The following TSPEAR variants were observed in gnomAD, a reference collection of about 807,000 sequenced individuals.
TSPEAR encodes thrombospondin-type laminin G domain and EAR repeat-containing protein.
TSPEAR carries 69 observed loss-of-function variants against 71.6 expected under a neutral mutation model. That is an observed-to-expected ratio of 0.96 (90% confidence interval 0.79 to 1.18). The LOEUF is 1.18. Among genes scored for constraint, TSPEAR ranks in the 50% most tolerant of loss-of-function variants. The pLI, the probability that TSPEAR is intolerant of heterozygous loss-of-function variation, is 0.00. For missense variants in TSPEAR, 971 were observed against 894.9 expected, an observed-to-expected ratio of 1.09 and a Z score of -1.09; for synonymous variants, 402 against 387.2, an observed-to-expected ratio of 1.04 and a Z score of -0.45.
intron 2 of TSPEAR, among the ~76,000 whole-genome samples, chr21:44,565,430 T>C (rs2053690219): frequency 6.6e-6 from 1 of 152,094 alleles, no homozygotes; most frequent in Non-Finnish European, 1.5e-5. Context: ...TACAGACCAA[T>C]ACCACTATCT....
intron 1 of TSPEAR, among the ~76,000 whole-genome samples, chr21:44,572,701 C>T (rs1978288256): frequency 1.3e-5 from 2 of 151,888 alleles, no homozygotes; most frequent in Admixed American, 6.6e-5. Flanking sequence ...GTGCCGAAGT[C>T]CTGACCGCTG....
At chr21:44,607,839 C>T (rs1981410600) in intron 1 of TSPEAR, among the ~76,000 whole-genome samples, 1 of 152,108 alleles carries the variant, frequency 6.6e-6, no homozygotes, top group African/African-American at 2.4e-5. Context: ...CTTCACATGC[C>T]CCACACACTC....
chr21:44,612,996 C>A lies in TSPEAR; in HGVS notation c.83-44991G>T. ...CCTACCTGGGATGGGGTCTCCATGT[C>A]TCCCCTGTGCTGAGGTGACCTCTCC... On this transcript the variant is annotated intron_variant, in intron 1 of 11. Coordinates refer to ENST00000323084, the MANE Select transcript of TSPEAR (RefSeq NM_144991.3). The surrounding 1 kb of genome is among the most constrained non-coding windows in gnomAD (Gnocchi z 4.1). 2 of 1,443,010 alleles carry A rather than the reference C, an allele frequency of 1.4e-6. No homozygotes were observed. Among genetic ancestry groups the A allele is most frequent in the Non-Finnish European group, 1.9e-6 (2 of 1,061,622 alleles). The allele number at this position is 1,443,010 out of a possible 1,614,324, so 89.4% of individuals were successfully genotyped here. A position where few individuals can be genotyped will look rare whatever the true frequency, so the allele number is the denominator to read the frequency against.
intron 1 of TSPEAR, chr21:44,579,779 G>C (rs1555924555): frequency 7.4e-6 from 12 of 1,611,970 alleles, no homozygotes; most frequent in Non-Finnish European, 9.3e-6. Flanking sequence ...GGCCAGGGGG[G>C]AGCACGCGGG....
At chr21:44,512,965 C>G (rs782166539) in intron 9 of TSPEAR, among the ~76,000 whole-genome samples, 1 of 152,194 alleles carries the variant, frequency 6.6e-6, no homozygotes, top group Non-Finnish European at 1.5e-5. Flanking sequence ...CTGTACCCAG[C>G]GAGGGTCTGT....
At chr21:44,656,919 T>C (rs1569244118) in intron 1 of TSPEAR, among the ~76,000 whole-genome samples, 1 of 152,156 alleles carries the variant, frequency 6.6e-6, no homozygotes, top group African/African-American at 2.4e-5. Context: ...TGATTCTTTT[T>C]CCATCTGACT....
intron 2 of TSPEAR, among the ~76,000 whole-genome samples, chr21:44,542,710 C>T (rs2053240129): frequency 7.4e-6 from 1 of 135,480 alleles, no homozygotes; most frequent in South Asian, 2.4e-4. Flanking sequence ...TGCACCACTG[C>T]ACTCTAACCT....
At position 44,600,805 on chromosome 21, in the gene TSPEAR, T is replaced by C. The variant is rs7410162; in HGVS notation, c.83-32800A>G. On this transcript the variant is annotated intron_variant, in intron 1 of 11. Coordinates refer to ENST00000323084, the MANE Select transcript of TSPEAR (RefSeq NM_144991.3). ...GAGCCTGGTCTGCACCCCAGTGAGC[T>C]ATGTGTCCAGCCCCTGCTGCCGAGT... 4.5e-3 allele frequency: 7,084 copies of C among 1,580,360 alleles called. 1,274 individuals carry two copies. In the African/African-American group the frequency reaches 0.07, roughly 16 times the overall value.
At chr21:44,526,552 A>G (rs2052860355) in intron 7 of TSPEAR, among the ~76,000 whole-genome samples, 1 of 151,690 alleles carries the variant, frequency 6.6e-6, no homozygotes, top group African/African-American at 2.4e-5. Context: ...TGCAGCCTGC[A>G]TGAGGGTGGC....
Position 44,506,335 on chromosome 21 carries a change from G to A in TSPEAR, c.1755-1454C>T, listed in dbSNP as rs767812886. 1.7e-3 allele frequency among the ~76,000 whole-genome samples: 260 copies of A among 152,260 alleles called. No individual in the cohort carries two copies. Among genetic ancestry groups the A allele is most frequent in the Non-Finnish European group, 2.8e-3 (191 of 68,046 alleles). Reference sequence around the variant, plus strand: ...TCAAGATGAGGAAATGGAGGTCGAAGCCATGCACACGCAGGCGTCCTGCTG... The same window carrying A: ...TCAAGATGAGGAAATGGAGGTCGAAACCATGCACACGCAGGCGTCCTGCTG... On this transcript the variant is annotated intron_variant, in intron 10 of 11. Coordinates refer to ENST00000323084, the MANE Select transcript of TSPEAR (RefSeq NM_144991.3). This position sits in a 1 kb window ranked among gnomAD's most constrained non-coding sequence, Gnocchi z 4.2.
At chr21:44,513,526 T>C (rs929673263) in intron 9 of TSPEAR, among the ~76,000 whole-genome samples, 1 of 151,828 alleles carries the variant, frequency 6.6e-6, no homozygotes, top group African/African-American at 2.4e-5. Flanking sequence ...CTCCCTCCAA[T>C]GGAATTCCCC....
At chr21:44,528,693 G>T in intron 5 of TSPEAR, 110 bp from the exon 6 acceptor site, 1 of 1,370,616 alleles carries the variant, frequency 7.3e-7, no homozygotes, top group Middle Eastern at 1.9e-4. Flanking sequence ...CTCTGCATGC[G>T]GGCCTGGAAG....
At chr21:44,518,320 C>T (rs1194186954) in intron 9 of TSPEAR, 10 of 468,316 alleles carry the variant, frequency 2.1e-5, no homozygotes, top group African/African-American at 6.0e-5. Context: ...ATGGGTGACA[C>T]GCAGCTGGCC....
At chr21:44,563,211 A>G (rs898448129) in intron 2 of TSPEAR, among the ~76,000 whole-genome samples, 3 of 152,100 alleles carry the variant, frequency 2.0e-5, no homozygotes, top group Admixed American at 1.3e-4. Context: ...AACAAATGAT[A>G]TAAATATATA....
At chr21:44,560,165 G>A (rs56041290) in intron 2 of TSPEAR, among the ~76,000 whole-genome samples, 35,987 of 151,926 alleles carry the variant, frequency 0.24, 4,701 homozygotes, top group East Asian at 0.4. Context: ...GGAAAGCAAC[G>A]TAAGCAGGGG....
At chr21:44,586,473 G>T (rs587691760) in intron 1 of TSPEAR, among the ~76,000 whole-genome samples, 52 of 152,218 alleles carry the variant, frequency 3.4e-4, no homozygotes, top group African/African-American at 1.2e-3. Flanking sequence ...AATTTACCAA[G>T]AGAAAATTCA....
At chr21:44,501,879 A>C (rs2052038945) in intron 11 of TSPEAR, among the ~76,000 whole-genome samples, 1 of 152,198 alleles carries the variant, frequency 6.6e-6, no homozygotes, top group South Asian at 2.1e-4. Context: ...TATTCTTCAG[A>C]CTATCCCAGT....
intron 8 of TSPEAR, among the ~76,000 whole-genome samples, chr21:44,524,604 TAGTC>T (rs1393386103): frequency 6.6e-6 from 1 of 151,474 alleles, no homozygotes; most frequent in Admixed American, 6.6e-5. Context: ...GTTAGCCAGT[TAGTC>T]ATGTAATCAG....
chr21:44,697,826 G>A (rs1210906516), intron 1 of TSPEAR: 48 of 1,612,988 alleles, frequency 3.0e-5, no homozygotes, highest in Middle Eastern at 3.3e-4. Flanking sequence ...CGCCCGCCGC[G>A]TGCCCGTCCC....
Sources: allele counts gnomAD v4.1 joint callset (sites outside exome capture counted in the v4.1 genomes callset), GRCh38; gene constraint gnomAD v4.1.1; non-coding constraint Gnocchi (gnomAD v3.1); transcripts MANE v1.5; gene names NCBI Gene and HGNC (gene_info 2026-07-23, HGNC 2026-07-21).